DTNA: variants seen among roughly 807,000 people sequenced by gnomAD.
DTNA encodes dystrobrevin alpha.
A neutral mutation model predicts 100.7 loss-of-function variants in DTNA; 43 were observed. The ratio of observed to expected loss-of-function variants is 0.43; its 90% CI spans 0.33 to 0.55. DTNA has a LOEUF of 0.55. Among genes scored for constraint, DTNA ranks in the 20% least tolerant of loss-of-function variants. The pLI is 0.04. For missense variants in DTNA, 798 were observed against 953.9 expected (o/e 0.84, Z 2.15); for synonymous variants, 349 against 347.9 (o/e 1.00, Z -0.04).
At chr18:34,504,319 A>G (rs2040267324) in intron 1 of DTNA, among the ~76,000 whole-genome samples, 1 of 152,188 alleles carries the variant, frequency 6.6e-6, no homozygotes, top group Non-Finnish European at 1.5e-5. Flanking sequence ...TGATTGTCTT[A>G]AATATTTCCT....
At chr18:34,677,786 A>G (rs1335695463) in intron 1 of DTNA, among the ~76,000 whole-genome samples, 1 of 152,210 alleles carries the variant, frequency 6.6e-6, no homozygotes, top group Non-Finnish European at 1.5e-5. Context: ...GAAGATGTAT[A>G]TGCCTAGAAT....
chr18:34,833,258 G>A (rs779895610), intron 11 of DTNA, among the ~76,000 whole-genome samples: 3 of 152,044 alleles, frequency 2.0e-5, no homozygotes, highest in Non-Finnish European at 4.4e-5. Context: ...GTGTGATTTT[G>A]TTACCTTTGG....
chr18:34,550,515 T>A (rs926043861), intron 1 of DTNA, among the ~76,000 whole-genome samples: 7 of 152,196 alleles, frequency 4.6e-5, no homozygotes, highest in African/African-American at 1.4e-4. Context: ...ACACATTTTT[T>A]AATACATTTT....
At chr18:34,632,036 A>G (rs1032142376) in intron 1 of DTNA, among the ~76,000 whole-genome samples, 3 of 152,292 alleles carry the variant, frequency 2.0e-5, no homozygotes, top group Admixed American at 6.5e-5. Context: ...AACATTTTCA[A>G]TTTAATATGC....
chr18:34,585,309 A>G (rs2049016609), intron 1 of DTNA, among the ~76,000 whole-genome samples: 1 of 152,178 alleles, frequency 6.6e-6, no homozygotes, highest in African/African-American at 2.4e-5. Context: ...GGAATGTTGC[A>G]TTTCTATTGG....
chr18:34,749,893 A>C (rs1391003092), intron 1 of DTNA, among the ~76,000 whole-genome samples: 2 of 152,188 alleles, frequency 1.3e-5, no homozygotes, highest in Non-Finnish European at 2.9e-5. Context: ...GATTAGGACT[A>C]GAATGTAAAT....
At chr18:34,545,203 A>G (rs1332362134) in intron 1 of DTNA, among the ~76,000 whole-genome samples, 3 of 152,070 alleles carry the variant, frequency 2.0e-5, no homozygotes, top group African/African-American at 4.8e-5. Context: ...TCTGATAAGT[A>G]GCAGAGGTGA....
chr18:34,781,364 A>G (rs974901669), intron 3 of DTNA, among the ~76,000 whole-genome samples: 4 of 152,368 alleles, frequency 2.6e-5, no homozygotes, highest in South Asian at 2.1e-4. Flanking sequence ...ATATACATCT[A>G]TCTTACATAC....
intron 1 of DTNA, among the ~76,000 whole-genome samples, chr18:34,562,459 G>T (rs2046724664): frequency 6.6e-6 from 1 of 152,194 alleles, no homozygotes; most frequent in Admixed American, 6.5e-5. Context: ...TTCGTCCTCA[G>T]TCAGAAGTTA....
intron 1 of DTNA, among the ~76,000 whole-genome samples, chr18:34,590,949 T>C (rs2146906518): frequency 6.6e-6 from 1 of 152,286 alleles, no homozygotes; most frequent in East Asian, 1.9e-4. Context: ...CTGAGATTTC[T>C]AAGACTGGCA....
chr18:34,699,222 T>C (rs574116092), intron 1 of DTNA, among the ~76,000 whole-genome samples: 1 of 152,140 alleles, frequency 6.6e-6, no homozygotes, highest in East Asian at 1.9e-4. Context: ...CATGTGATTA[T>C]GGAGGCTGAG....
chr18:34,765,557 G>A (rs966455198), intron 2 of DTNA, among the ~76,000 whole-genome samples: 2 of 152,160 alleles, frequency 1.3e-5, no homozygotes, highest in African/African-American at 4.8e-5. Flanking sequence ...TCAGTACATG[G>A]TCACCTAACA....
intron 21 of DTNA, among the ~76,000 whole-genome samples, chr18:34,883,904 A>G (rs2096897622): frequency 6.6e-6 from 1 of 152,216 alleles, no homozygotes; most frequent in African/African-American, 2.4e-5. Context: ...AGGGTAAAAG[A>G]AAAACATAAG....
chr18:34,694,791 G>C (rs546687750), intron 1 of DTNA, among the ~76,000 whole-genome samples: 17 of 152,190 alleles, frequency 1.1e-4, no homozygotes, highest in African/African-American at 4.1e-4. Context: ...CAGGGTAGTA[G>C]CATCCACAAA....
chr18:34,782,090 T>C (rs1413307431), intron 3 of DTNA, among the ~76,000 whole-genome samples: 1 of 152,200 alleles, frequency 6.6e-6, no homozygotes, highest in African/African-American at 2.4e-5. Flanking sequence ...CTTAGAACAC[T>C]GAGGTAAAGG....
intron 17 of DTNA, chr18:34,867,452 A>G (rs1445461639): frequency 9.0e-6 from 11 of 1,223,490 alleles, no homozygotes; most frequent in African/African-American, 1.6e-5. Context: ...TTGCCCATGA[A>G]TGCATACATG....
chr18:34,543,053 T>C (rs756831976), intron 1 of DTNA, among the ~76,000 whole-genome samples: 2 of 152,086 alleles, frequency 1.3e-5, no homozygotes, highest in South Asian at 2.1e-4. Context: ...TATTTAGTAG[T>C]ATAATGCATA....
intron 8 of DTNA, chr18:34,818,623 T>G (rs2095644503): frequency 8.3e-7 from 1 of 1,208,890 alleles, no homozygotes; most frequent in Non-Finnish European, 1.0e-6. Context: ...GCAAGGACCT[T>G]CTGGAACATA....
intron 1 of DTNA, among the ~76,000 whole-genome samples, chr18:34,588,856 A>G (rs886850356): frequency 1.3e-5 from 2 of 152,236 alleles, no homozygotes; most frequent in Non-Finnish European, 2.9e-5. Flanking sequence ...ATCATGGTGC[A>G]CATACACATG....
Sources: gnomAD v4.1 joint callset for allele counts (sites outside exome capture counted in the v4.1 genomes callset) on GRCh38, gnomAD v4.1.1 for gene constraint, MANE v1.5 for transcripts, NCBI Gene and HGNC (gene_info 2026-07-23, HGNC 2026-07-21) for gene names.